The following BSPRY variants were observed in gnomAD, a reference collection of about 807,000 sequenced individuals.
BSPRY encodes B-box and SPRY domain containing.
BSPRY carries 33 observed loss-of-function variants against 38.0 expected under a neutral mutation model. The observed-to-expected ratio is 0.87, with a 90% CI of 0.66 to 1.16. BSPRY has a LOEUF of 1.16. Among genes scored for constraint, BSPRY ranks in the 50% most tolerant of loss-of-function variants. The pLI, the probability that BSPRY is intolerant of heterozygous loss-of-function variation, is 0.00. For missense variants in BSPRY, 523 were observed against 533.2 expected (o/e 0.98, Z 0.19); for synonymous variants, 224 against 228.5 (o/e 0.98, Z 0.18).
chr9:113,363,353 C>G (rs12347607), intron 4 of BSPRY, among the ~76,000 whole-genome samples: 59,249 of 152,024 alleles, frequency 0.39, 13,348 homozygotes, highest in African/African-American at 0.62. Context: ...GAGACAGGAG[C>G]ATCACTTGAA....
Position 113,349,590 on chromosome 9 carries a change from A to G in BSPRY, c.11A>G (p.Glu4Gly). Reference sequence around the variant, plus strand: ...GGCGGGCGCACGGCCATGTCCGCCGAGGGCGCGGAGCCGGGGCCGGGGTCC... The same window carrying G: ...GGCGGGCGCACGGCCATGTCCGCCGGGGGCGCGGAGCCGGGGCCGGGGTCC... MSA[E>G]GAEPGPGSGS... Residue 4 changes from glutamate (E) to glycine (G), a missense_variant, in exon 1 of 6, where the codon GAG becomes GGG. Transcript: ENST00000374183. 1.7e-6 allele frequency: 2 copies of G among 1,175,074 alleles called. No individual in the cohort carries two copies. The highest frequency in any genetic ancestry group is 2.1e-6 in the Non-Finnish European group (2 of 952,428). The allele number at this position is 1,175,074 out of a possible 1,614,324, so 72.8% of individuals were successfully genotyped here. A position where few individuals can be genotyped will look rare whatever the true frequency, so the allele number is the denominator to read the frequency against.
chr9:113,367,322 T>C (rs1834267736), intron 4 of BSPRY, among the ~76,000 whole-genome samples: 1 of 152,116 alleles, frequency 6.6e-6, no homozygotes. Context: ...CATCATATTG[T>C]CCCAAAATAC....
rs1260159938 is a variant in BSPRY, at chr9:113,370,263, T to C, written c.*121T>C. The C allele has an allele frequency of 4.0e-6, 5 of 1,238,782 alleles. No individual in the cohort carries two copies. In the South Asian group the frequency reaches 4.7e-5, roughly 12 times the overall value. 76.7% of individuals were successfully genotyped at this position (1,238,782 alleles called of 1,614,324 possible). On this transcript the variant is annotated 3_prime_UTR_variant, in exon 6 of 6. Coordinates refer to ENST00000374183, the MANE Select transcript of BSPRY (RefSeq NM_017688.3). This position sits in a 1 kb window ranked among gnomAD's most constrained non-coding sequence, Gnocchi z 4.8. ...TAAGAGAAACAGGGCCCATAACCAG[T>C]GGGCAGCTTTAGGAGGGATGGGGAT...
chr9:113,365,750 AGT>A (rs3983380), intron 4 of BSPRY, among the ~76,000 whole-genome samples: 31,516 of 146,964 alleles, frequency 0.21, 4,348 homozygotes, highest in East Asian at 0.45. Context: ...AGAGAGAGAG[AGT>A]GTGTGTGTGT....
In BSPRY at chr9:113,370,742, C is replaced by T. The variant is rs1178293034; in HGVS notation, c.*600C>T. On this transcript the variant is annotated 3_prime_UTR_variant, in exon 6 of 6. Transcript: ENST00000374183. The surrounding 1 kb of genome is among the most constrained non-coding windows in gnomAD (Gnocchi z 4.8). ...GTTGTGGTCTCTGGAGAAGCACTGC[C>T]ATTCAGCCTCCTGCTCCAGCTGTTC... 6.6e-6 allele frequency: 1 copy of T among 152,272 alleles called. No homozygotes were observed. The highest frequency in any genetic ancestry group is 1.9e-4 in the East Asian group (1 of 5,198). 9.4% of individuals were successfully genotyped at this position (152,272 alleles called of 1,614,324 possible). A position where few individuals can be genotyped will look rare whatever the true frequency, so the allele number is the denominator to read the frequency against.
At position 113,351,843 on chromosome 9, in the gene BSPRY, C is replaced by T. The variant is rs147430343; in HGVS notation, c.201+2063C>T. ...TTTTTGAGACAGTCTCACTCTGTCA[C>T]CCAGGCTGGAGTGTGGAGTGCAGTG... is the stretch of plus-strand genomic sequence containing the variant. On this transcript the variant is annotated intron_variant, in intron 1 of 5. Transcript: ENST00000374183. Among the ~76,000 whole-genome samples, 154 of 152,192 alleles carry T rather than the reference C, an allele frequency of 1.0e-3. No homozygotes were observed. In the East Asian group the frequency reaches 0.027, roughly 27 times the overall value.
At position 113,368,323 on chromosome 9, in the gene BSPRY, T is replaced by C; in HGVS notation, c.622T>C (p.Cys208Arg). The C allele has an allele frequency of 1.2e-6, 2 of 1,614,152 alleles. No individual in the cohort carries two copies. ...ESEMLNFNEK[C>R]TRSPLLTQLW... ...GGAAATGTTAAACTTTAATGAGAAG[T>C]GCACTCGGAGCCCACTACTGACCCA... The change falls in exon 5 of 6, where the codon TGC becomes CGC. Residue 208 changes from cysteine to arginine, a missense_variant. Physicochemically the swap from Cys to Arg is radical, Grantham distance 180 (BLOSUM62 -3). Transcript: ENST00000374183.
intron 2 of BSPRY, among the ~76,000 whole-genome samples, chr9:113,358,016 G>A (rs1310053462): frequency 6.8e-6 from 1 of 146,734 alleles, no homozygotes; most frequent in African/African-American, 2.5e-5. Flanking sequence ...GGAGGCCAAG[G>A]CCAGGAGGAT....
Position 113,358,209 on chromosome 9 carries a change from C to T in BSPRY, c.301-2298C>T, listed in dbSNP as rs377187616. 9.3e-5 allele frequency among the ~76,000 whole-genome samples: 14 copies of T among 151,236 alleles called. No individual in the cohort carries two copies. In the East Asian group the frequency reaches 2.3e-3, roughly 24 times the overall value. ...GCTGCAGTGAGCTATGATTGCATCA[C>T]TGCATTCTAGCCTGGGTGACAGAGC... On this transcript the variant is annotated intron_variant, in intron 2 of 5. Coordinates refer to ENST00000374183, the MANE Select transcript of BSPRY (RefSeq NM_017688.3).
In BSPRY at chr9:113,370,618, A is replaced by G. The variant is rs985448018; in HGVS notation, c.*476A>G. 3 of 153,352 alleles carry G rather than the reference A, an allele frequency of 2.0e-5. No homozygotes were observed. Among genetic ancestry groups the G allele is most frequent in the African/African-American group, 7.2e-5 (3 of 41,452 alleles). 9.5% of individuals were successfully genotyped at this position (153,352 alleles called of 1,614,324 possible). On this transcript the variant is annotated 3_prime_UTR_variant, in exon 6 of 6. Coordinates refer to ENST00000374183, the MANE Select transcript of BSPRY (RefSeq NM_017688.3). The surrounding 1 kb of genome is among the most constrained non-coding windows in gnomAD (Gnocchi z 4.8). Reference sequence around the variant, plus strand: ...CTTCACTTTGTCTCTGGCATCTAGCATGGTGCCTGGTGCATAGTGAGCATG... The same window carrying G: ...CTTCACTTTGTCTCTGGCATCTAGCGTGGTGCCTGGTGCATAGTGAGCATG...
Position 113,349,572 on chromosome 9 carries a change from G to A in BSPRY, c.-8G>A. 3.5e-6 allele frequency: 4 copies of A among 1,153,020 alleles called. No homozygotes were observed. Among genetic ancestry groups the A allele is most frequent in the Non-Finnish European group, 4.3e-6 (4 of 938,374 alleles). 71.4% of individuals were successfully genotyped at this position (1,153,020 alleles called of 1,614,324 possible). Reference sequence around the variant, plus strand: ...GACAGGTGGAGCGCACGGGGCGGGCGCACGGCCATGTCCGCCGAGGGCGCG... The same window carrying A: ...GACAGGTGGAGCGCACGGGGCGGGCACACGGCCATGTCCGCCGAGGGCGCG... On this transcript the variant is annotated 5_prime_UTR_variant, in exon 1 of 6. Transcript: ENST00000374183.
At position 113,349,630 on chromosome 9, in the gene BSPRY, G is replaced by C; in HGVS notation, c.51G>C (p.Gly17=). ...GGCCGGGGTCCGGGTCCGGGCCCGG[G>C]CCGGGGCCACTCTGCCCCGAACACG... ...EPGPGSGSGP[G]PGPLCPEHGQ... is the part of the protein sequence containing the mutation. Residue 17 remains glycine, a synonymous_variant, in exon 1 of 6, where the codon GGG becomes GGC. Coordinates refer to ENST00000374183, the MANE Select transcript of BSPRY (RefSeq NM_017688.3). 1 of 1,211,314 alleles carries C rather than the reference G, an allele frequency of 8.3e-7. No homozygotes were observed. The highest frequency in any genetic ancestry group is 3.6e-5 in the South Asian group (1 of 27,744). The allele number at this position is 1,211,314 out of a possible 1,614,324, so 75.0% of individuals were successfully genotyped here. A position where few individuals can be genotyped will look rare whatever the true frequency, so the allele number is the denominator to read the frequency against.
rs917385916 is a variant in BSPRY at position 113,368,504 on chromosome 9, G to A, written c.682+121G>A. Reference sequence around the variant, plus strand: ...TGAGATGATAGCTTAAACAAGTCATGCTGGATGCAGGCTGGTCAGTAGGGT... The same window carrying A: ...TGAGATGATAGCTTAAACAAGTCATACTGGATGCAGGCTGGTCAGTAGGGT... On this transcript the variant is annotated intron_variant, in intron 5 of 5. Coordinates refer to ENST00000374183, the MANE Select transcript of BSPRY (RefSeq NM_017688.3). 3.3e-5 allele frequency: 45 copies of A among 1,350,312 alleles called. 1 individual carries two copies. In the Admixed American group the frequency reaches 7.1e-4, roughly 21 times the overall value. 83.6% of individuals were successfully genotyped at this position (1,350,312 alleles called of 1,614,324 possible).
chr9:113,354,430 C>A lies in BSPRY; in HGVS notation c.300+92C>A, dbSNP rs984477297. Reference sequence around the variant, plus strand: ...GGCAAGTCTAGGGTCCCTTACCAACCTCACAGACTCATTGTGCTACTAGCA... The same window carrying A: ...GGCAAGTCTAGGGTCCCTTACCAACATCACAGACTCATTGTGCTACTAGCA... On this transcript the variant is annotated intron_variant, in intron 2 of 5. Coordinates refer to ENST00000374183, the MANE Select transcript of BSPRY (RefSeq NM_017688.3). 20 of 909,714 alleles carry A rather than the reference C, an allele frequency of 2.2e-5. No homozygotes were observed. The African/African-American group carries it at 2.8e-4, about 13-fold the overall frequency. The allele number at this position is 909,714 out of a possible 1,614,324, so 56.4% of individuals were successfully genotyped here. A position where few individuals can be genotyped will look rare whatever the true frequency, so the allele number is the denominator to read the frequency against.
In BSPRY at chr9:113,349,586, G is replaced by A; in HGVS notation, c.7G>A (p.Ala3Thr). The A allele has an allele frequency of 4.3e-6, 5 of 1,170,796 alleles. No individual in the cohort carries two copies. The highest frequency in any genetic ancestry group is 5.3e-6 in the Non-Finnish European group (5 of 949,640). The allele number at this position is 1,170,796 out of a possible 1,614,324, so 72.5% of individuals were successfully genotyped here. A position where few individuals can be genotyped will look rare whatever the true frequency, so the allele number is the denominator to read the frequency against. Residue 3 changes from alanine to threonine, a missense_variant, in exon 1 of 6, where the codon GCC becomes ACC. Physicochemically the swap from Ala to Thr is moderately conservative, Grantham distance 58 (BLOSUM62 0). Coordinates refer to ENST00000374183, the MANE Select transcript of BSPRY (RefSeq NM_017688.3). ...ACGGGGCGGGCGCACGGCCATGTCC[G>A]CCGAGGGCGCGGAGCCGGGGCCGGG... MSAEGAEPGPGSG... is the reference protein window; with the variant it reads MSTEGAEPGPGSG...
rs746846947 is a variant in BSPRY at position 113,349,752 on chromosome 9, G to T, written c.173G>T (p.Arg58Leu). ...CGCTGCCGGGGGCACCGCATCCGCCGGGCGGAGGAGCGCGCCGAGGAGCTG... is the reference window on the plus strand; with the variant it reads ...CGCTGCCGGGGGCACCGCATCCGCCTGGCGGAGGAGCGCGCCGAGGAGCTG... The part of the protein sequence containing the change: ...GGRCRGHRIR[R>L]AEERAEELRN... Residue 58 changes from arginine (R) to leucine (L), a missense_variant, in exon 1 of 6, where the codon CGG becomes CTG. Transcript: ENST00000374183. 9.4e-5 allele frequency: 116 copies of T among 1,235,280 alleles called. No homozygotes were observed. The highest frequency in any genetic ancestry group is 1.1e-4 in the Non-Finnish European group (110 of 990,382). 76.5% of individuals were successfully genotyped at this position (1,235,280 alleles called of 1,614,324 possible). A position where few individuals can be genotyped will look rare whatever the true frequency, so the allele number is the denominator to read the frequency against.
chr9:113,360,375 A>G (rs752045989), intron 2 of BSPRY, 132 bp from the exon 3 acceptor site: 164 of 827,992 alleles, frequency 2.0e-4, no homozygotes, highest in Non-Finnish European at 2.9e-4. Flanking sequence ...ACATGCTATT[A>G]TTTCCATTAC....
At chr9:113,354,761 G>C (rs778360534) in intron 2 of BSPRY, among the ~76,000 whole-genome samples, 2 of 152,208 alleles carry the variant, frequency 1.3e-5, no homozygotes, top group Admixed American at 6.5e-5. Flanking sequence ...TAACTGACCT[G>C]TCCAAGGACC....
chr9:113,354,185 A>G lies in BSPRY; in HGVS notation c.202-55A>G. On this transcript the variant is annotated intron_variant, in intron 1 of 5. Coordinates refer to ENST00000374183, the MANE Select transcript of BSPRY (RefSeq NM_017688.3). ...TAACAGGAGAAAATCACTGGGATGG[A>G]GTGAATGGCTCAGGTACATGGACCA... The G allele has an allele frequency of 2.1e-6, 3 of 1,423,172 alleles. No individual in the cohort carries two copies. The South Asian group carries it at 3.5e-5, about 16-fold the overall frequency. 88.2% of individuals were successfully genotyped at this position (1,423,172 alleles called of 1,614,324 possible).
Sources: gnomAD v4.1 joint callset for allele counts (sites outside exome capture counted in the v4.1 genomes callset) on GRCh38, gnomAD v4.1.1 for gene constraint, Gnocchi (gnomAD v3.1) non-coding constraint, MANE v1.5 for transcripts, NCBI Gene and HGNC (gene_info 2026-07-23, HGNC 2026-07-21) for gene names.